Variants in TMC1 observed in about 807,000 individuals in gnomAD.
TMC1 encodes the protein transmembrane channel-like protein 1.
A neutral mutation model predicts 105.8 loss-of-function variants in TMC1; 84 were observed. The ratio of observed to expected loss-of-function variants is 0.79; its 90% confidence interval spans 0.67 to 0.95. The LOEUF (loss-of-function observed/expected upper bound fraction) is 0.95, where lower values mean the gene tolerates loss of function less well. Ranked by LOEUF, TMC1 falls within the 40% of genes least tolerant of loss-of-function variation. TMC1 has a pLI of 0.00. For missense variants in TMC1, 817 were observed against 914.1 expected, an observed-to-expected ratio of 0.89 and a Z score of 1.37; for synonymous variants, 315 against 311.5, an observed-to-expected ratio of 1.01 and a Z score of -0.12.
chr9:72,811,900 T>G (rs939573162), intron 18 of TMC1, among the ~76,000 whole-genome samples: 1 of 152,224 alleles, frequency 6.6e-6, no homozygotes, highest in Non-Finnish European at 1.5e-5. Flanking sequence ...ATACTTTACA[T>G]GTATTATTCC....
chr9:72,636,934 G>A (rs1039414901), intron 4 of TMC1, among the ~76,000 whole-genome samples: 4 of 152,072 alleles, frequency 2.6e-5, no homozygotes, highest in East Asian at 3.9e-4. Flanking sequence ...GATTGCAAAC[G>A]TTCTCCAATT....
chr9:72,692,330 A>G (rs2132187363), intron 6 of TMC1, among the ~76,000 whole-genome samples: 1 of 152,174 alleles, frequency 6.6e-6, no homozygotes. Context: ...GTTGTATGGT[A>G]TTGTGTTAGC....
chr9:72,691,221 T>G (rs1382723249), intron 6 of TMC1, among the ~76,000 whole-genome samples: 8 of 152,212 alleles, frequency 5.3e-5, no homozygotes, highest in Admixed American at 5.2e-4. Flanking sequence ...AAACTCATAC[T>G]TTGTTCATGC....
intron 1 of TMC1, among the ~76,000 whole-genome samples, chr9:72,543,701 A>G (rs1349437263): frequency 6.6e-6 from 1 of 151,854 alleles, no homozygotes; most frequent in Non-Finnish European, 1.5e-5. Context: ...AACTGCTTGA[A>G]CCTGGGAGGC....
At chr9:72,700,111 T>C (rs2589611) in intron 7 of TMC1, among the ~76,000 whole-genome samples, 33,814 of 150,726 alleles carry the variant, frequency 0.22, 4,095 homozygotes, top group East Asian at 0.39. Flanking sequence ...AAAAATTAGC[T>C]GGGCTAGGTG....
chr9:72,700,261 A>G (rs1379400547), intron 7 of TMC1, among the ~76,000 whole-genome samples: 2 of 151,618 alleles, frequency 1.3e-5, no homozygotes, highest in Non-Finnish European at 2.9e-5. Context: ...CAAAAAAAAA[A>G]AAAGAAAAGA....
At chr9:72,693,432 G>T (rs375248688) in intron 6 of TMC1, among the ~76,000 whole-genome samples, 12 of 152,276 alleles carry the variant, frequency 7.9e-5, no homozygotes, top group African/African-American at 2.4e-4. Flanking sequence ...AAGGGGGCTT[G>T]TCTCTCCTTT....
At chr9:72,671,310 C>T (rs1826124340) in intron 5 of TMC1, among the ~76,000 whole-genome samples, 1 of 152,156 alleles carries the variant, frequency 6.6e-6, no homozygotes, top group Non-Finnish European at 1.5e-5. Flanking sequence ...AGGGAGGGCA[C>T]CTCTCACATG....
At chr9:72,829,979 G>A (rs779141133) in intron 21 of TMC1, among the ~76,000 whole-genome samples, 138 of 152,190 alleles carry the variant, frequency 9.1e-4, no homozygotes, top group Non-Finnish European at 1.6e-3. Flanking sequence ...CTATGCCTAT[G>A]AGGATTACAT....
intron 8 of TMC1, among the ~76,000 whole-genome samples, chr9:72,717,709 C>T (rs1826943998): frequency 6.6e-6 from 1 of 152,130 alleles, no homozygotes; most frequent in Non-Finnish European, 1.5e-5. Context: ...GGTGCTTTTG[C>T]CTCACAGCTC....
At chr9:72,697,702 A>G (rs1826574160) in intron 7 of TMC1, among the ~76,000 whole-genome samples, 1 of 152,120 alleles carries the variant, frequency 6.6e-6, no homozygotes, top group Admixed American at 6.6e-5. Context: ...GCTGTTTTAC[A>G]TGTGATTCTT....
At chr9:72,571,897 C>T (rs1336220856) in intron 1 of TMC1, among the ~76,000 whole-genome samples, 5 of 151,284 alleles carry the variant, frequency 3.3e-5, no homozygotes, top group Non-Finnish European at 4.4e-5. Flanking sequence ...AGTGCAATGG[C>T]GTAATCTCGG....
intron 11 of TMC1, among the ~76,000 whole-genome samples, chr9:72,753,689 A>G (rs933010834): frequency 2.0e-5 from 3 of 152,158 alleles, no homozygotes; most frequent in Admixed American, 1.3e-4. Flanking sequence ...CTGACTTTGC[A>G]GAACCACCAG....
At chr9:72,770,690 T>G (rs139705918) in intron 12 of TMC1, among the ~76,000 whole-genome samples, 1 of 152,242 alleles carries the variant, frequency 6.6e-6, no homozygotes, top group Non-Finnish European at 1.5e-5. Context: ...TGAGAAATCT[T>G]CTAACCTGAC....
chr9:72,732,983 G>T (rs1247552549), intron 8 of TMC1, among the ~76,000 whole-genome samples: 1 of 152,056 alleles, frequency 6.6e-6, no homozygotes. Flanking sequence ...TGGATCAAAG[G>T]CATTTAATAA....
At chr9:72,762,844 G>A (rs1456599187) in intron 12 of TMC1, among the ~76,000 whole-genome samples, 1 of 152,158 alleles carries the variant, frequency 6.6e-6, no homozygotes. Context: ...TCAATGTCCA[G>A]TGTGGGTCTC....
At chr9:72,762,401 A>G (rs1431650593) in intron 12 of TMC1, among the ~76,000 whole-genome samples, 1 of 152,144 alleles carries the variant, frequency 6.6e-6, no homozygotes, top group East Asian at 1.9e-4. Context: ...TACCTTGAAA[A>G]TGTGACTGGG....
At chr9:72,604,438 C>G (rs1031891079) in intron 2 of TMC1, among the ~76,000 whole-genome samples, 2 of 152,192 alleles carry the variant, frequency 1.3e-5, no homozygotes, top group African/African-American at 4.8e-5. Context: ...CAAGAGACTT[C>G]TCTATTTACC....
chr9:72,571,998 G>A (rs145056639), intron 1 of TMC1, among the ~76,000 whole-genome samples: 7,273 of 151,768 alleles, frequency 0.048, 225 homozygotes, highest in Non-Finnish European at 0.075. Flanking sequence ...TACCACACTC[G>A]GCTAATTTTG....
Sources: gnomAD v4.1 joint callset for allele counts (sites outside exome capture counted in the v4.1 genomes callset) on GRCh38, gnomAD v4.1.1 for gene constraint, MANE v1.5 for transcripts, NCBI Gene and HGNC (gene_info 2026-07-23, HGNC 2026-07-21) for gene names.